The following ZDHHC11B variants were observed in gnomAD, a reference collection of about 807,000 sequenced individuals.
ZDHHC11B encodes the protein probable palmitoyltransferase ZDHHC11B.
Under a neutral mutation model 42.3 loss-of-function variants are expected in ZDHHC11B, and 17 were observed. The observed-to-expected ratio is 0.40, with a 90% CI of 0.27 to 0.60. The LOEUF (loss-of-function observed/expected upper bound fraction) is 0.60. Among genes scored for constraint, ZDHHC11B ranks in the 20% least tolerant of loss-of-function variants. The pLI is 0.41. For synonymous variants in ZDHHC11B, 123 were observed against 193.5 expected (o/e 0.64, Z 3.02); for missense variants, 262 against 463.2 (o/e 0.57, Z 3.99).
chr5:772,543 G>A (rs1445330288), intron 1 of ZDHHC11B, among the ~76,000 whole-genome samples: 1 of 148,216 alleles, frequency 6.7e-6, no homozygotes, highest in Non-Finnish European at 1.5e-5. Context: ...ACCCCCTGCG[G>A]AGGTGCTTGG....
chr5:732,823 G>A (rs192339302), intron 11 of ZDHHC11B, among the ~76,000 whole-genome samples: 3 of 151,856 alleles, frequency 2.0e-5, no homozygotes, highest in African/African-American at 7.3e-5. Context: ...TGAGCCTGGG[G>A]AATCACTTGA....
intron 4 of ZDHHC11B, among the ~76,000 whole-genome samples, chr5:763,304 G>A (rs1734854908): frequency 6.6e-6 from 1 of 151,096 alleles, no homozygotes; most frequent in African/African-American, 2.4e-5. Context: ...AGGAGGCAGA[G>A]GTTGCAGTGA....
chr5:718,568 T>C (rs145885219), intron 12 of ZDHHC11B, among the ~76,000 whole-genome samples: 1,699 of 150,744 alleles, frequency 0.011, 6 homozygotes, highest in African/African-American at 0.04. Context: ...TGGTGGTGAG[T>C]GCCTGTAGTC....
At chr5:750,203 C>T (rs1323969740) in intron 7 of ZDHHC11B, among the ~76,000 whole-genome samples, 7 of 118,590 alleles carry the variant, frequency 5.9e-5, no homozygotes, top group Non-Finnish European at 9.1e-5. Context: ...AGGGTCCTGG[C>T]GCTGCTGCAA....
chr5:722,337 A>C (rs1235315706), intron 12 of ZDHHC11B, among the ~76,000 whole-genome samples: 3 of 151,728 alleles, frequency 2.0e-5, no homozygotes, highest in Admixed American at 6.6e-5. Context: ...GAATATATAA[A>C]AACTCATATA....
Position 774,996 on chromosome 5 carries a change from C to G in ZDHHC11B, c.-229-6066G>C, listed in dbSNP as rs561896002. 5.3e-5 allele frequency among the ~76,000 whole-genome samples: 8 copies of G among 152,110 alleles called. No homozygotes were observed. In the South Asian group the frequency reaches 1.5e-3, roughly 28 times the overall value. ...AGGAGGCTGGTGGACAGGCCATGCT[C>G]ACATCATCAGCAGTGCCGGGTCAAA... is the stretch of plus-strand genomic sequence containing the variant. On this transcript the variant is annotated intron_variant, in intron 1 of 13. Coordinates refer to ENST00000508859, the MANE Select transcript of ZDHHC11B (RefSeq NM_001351303.2).
At chr5:764,351 A>G (rs433959) in intron 4 of ZDHHC11B, among the ~76,000 whole-genome samples, 11,004 of 148,466 alleles carry the variant, frequency 0.074, 546 homozygotes, top group East Asian at 0.25. Flanking sequence ...GGCCGAGGCC[A>G]GAGCCGGCTC....
intron 12 of ZDHHC11B, among the ~76,000 whole-genome samples, chr5:729,048 C>A (rs577191118): frequency 1.3e-5 from 2 of 150,168 alleles, no homozygotes; most frequent in African/African-American, 4.9e-5. Context: ...TGATCCAGGG[C>A]AGCTGGGTTG....
intron 4 of ZDHHC11B, among the ~76,000 whole-genome samples, chr5:758,428 C>A (rs1384429504): frequency 6.6e-6 from 1 of 151,892 alleles, no homozygotes. Context: ...AAGAAGCCCG[C>A]TGCCAGGGAG....
intron 12 of ZDHHC11B, among the ~76,000 whole-genome samples, chr5:721,442 A>G (rs1304667964): frequency 6.6e-6 from 1 of 151,542 alleles, no homozygotes; most frequent in Admixed American, 6.6e-5. Flanking sequence ...ATTTTTAAAA[A>G]GCTGAAGTGC....
chr5:711,472 T>G lies in ZDHHC11B; in HGVS notation c.*818A>C, dbSNP rs1253356373. 1 of 142,732 alleles carries G rather than the reference T, an allele frequency of 7.0e-6. No homozygotes were observed. Among genetic ancestry groups the G allele is most frequent in the East Asian group, 2.3e-4 (1 of 4,310 alleles). 8.8% of individuals were successfully genotyped at this position (142,732 alleles called of 1,614,324 possible). A position where few individuals can be genotyped will look rare whatever the true frequency, so the allele number is the denominator to read the frequency against. On this transcript the variant is annotated 3_prime_UTR_variant, in exon 14 of 14. Coordinates refer to ENST00000508859, the MANE Select transcript of ZDHHC11B (RefSeq NM_001351303.2). ...ATTTCCCAGTGCTGTATACTCCTATTTCCCAGTGCCATGTGCTTCCATTTC... is the reference window on the plus strand; with the variant it reads ...ATTTCCCAGTGCTGTATACTCCTATGTCCCAGTGCCATGTGCTTCCATTTC...
chr5:751,651 G>C (rs1190233593), intron 6 of ZDHHC11B, among the ~76,000 whole-genome samples: 1 of 127,722 alleles, frequency 7.8e-6, no homozygotes, highest in East Asian at 3.3e-4. Flanking sequence ...GTCCACTTGA[G>C]AGAGGGCTCC....
intron 4 of ZDHHC11B, 26 bp downstream of exon 4, chr5:766,672 A>C: frequency 6.3e-7 from 1 of 1,587,538 alleles, no homozygotes; most frequent in Non-Finnish European, 8.6e-7. Flanking sequence ...CCTCCCGCTT[A>C]GACCATGCCA....
At chr5:732,504 T>C (rs1380095804) in intron 11 of ZDHHC11B, 8 of 334,952 alleles carry the variant, frequency 2.4e-5, no homozygotes, top group African/African-American at 1.3e-4. Context: ...GGGGGCTCGA[T>C]TGGTTTCCAC....
At chr5:712,926 G>A (rs1354904153) in intron 13 of ZDHHC11B, among the ~76,000 whole-genome samples, 1 of 118,648 alleles carries the variant, frequency 8.4e-6, no homozygotes, top group Non-Finnish European at 1.8e-5. Flanking sequence ...ATGTGTGTGT[G>A]TGTATATATA....
Position 752,025 on chromosome 5 carries a change from G to A in ZDHHC11B, c.504-768C>T, listed in dbSNP as rs1293977758. On this transcript the variant is annotated intron_variant, in intron 6 of 13. Coordinates refer to ENST00000508859, the MANE Select transcript of ZDHHC11B (RefSeq NM_001351303.2). Reference sequence around the variant, plus strand: ...TCTGGGGCCTCTGCCCGCACCTCCCGACTCCACCTGATGCAGACAGGCCTC... The same window carrying A: ...TCTGGGGCCTCTGCCCGCACCTCCCAACTCCACCTGATGCAGACAGGCCTC... 1.1e-4 allele frequency among the ~76,000 whole-genome samples: 14 copies of A among 123,504 alleles called. 2 individuals carry two copies. Among genetic ancestry groups the A allele is most frequent in the Non-Finnish European group, 2.2e-4 (12 of 55,202 alleles). The allele number at this position is 123,504 out of a possible 152,430, so 81.0% of individuals were successfully genotyped here.
At position 762,104 on chromosome 5, in the gene ZDHHC11B, C is replaced by T. The variant is rs565459160; in HGVS notation, c.222+4594G>A. Among the ~76,000 whole-genome samples, 518 of 127,002 alleles carry T rather than the reference C, an allele frequency of 4.1e-3. 2 individuals are homozygous for T. Among genetic ancestry groups the T allele is most frequent in the African/African-American group, 0.014 (467 of 33,810 alleles). The allele number at this position is 127,002 out of a possible 152,430, so 83.3% of individuals were successfully genotyped here. On this transcript the variant is annotated intron_variant, in intron 4 of 13. Coordinates refer to ENST00000508859, the MANE Select transcript of ZDHHC11B (RefSeq NM_001351303.2). ...CACAGCCCAGACAGCCACTCATGGC[C>T]CCAGACAGTCACTCCCAGCCCCAGA... is the stretch of plus-strand genomic sequence containing the variant.
intron 12 of ZDHHC11B, among the ~76,000 whole-genome samples, chr5:721,513 C>G (rs541777163): frequency 1.3e-5 from 2 of 151,334 alleles, no homozygotes; most frequent in Non-Finnish European, 2.9e-5. Flanking sequence ...TAGAGAAGCT[C>G]CCGGGCCCCG....
In ZDHHC11B at chr5:766,890, G is replaced by A. The variant is rs748385039; in HGVS notation, c.30C>T (p.Ser10=). 3.9e-5 allele frequency: 63 copies of A among 1,612,310 alleles called. 3 individuals carry two copies. The highest frequency in any genetic ancestry group is 3.3e-4 in the Middle Eastern group (2 of 6,082). Reference sequence around the variant, plus strand: ...TGTTGCGTATGGCTTCTGGGGTGACGGAACACTGGCTCCCGGAGCGGGTGT... The same window carrying A: ...TGTTGCGTATGGCTTCTGGGGTGACAGAACACTGGCTCCCGGAGCGGGTGT... MDTRSGSQC[S]VTPEAIRNNE... The change falls in exon 4 of 14, where the codon TCC becomes TCT. Residue 10 remains serine, a synonymous_variant. Coordinates refer to ENST00000508859, the MANE Select transcript of ZDHHC11B (RefSeq NM_001351303.2).
Sources: allele counts gnomAD v4.1 joint callset (sites outside exome capture counted in the v4.1 genomes callset), GRCh38; gene constraint gnomAD v4.1.1; transcripts MANE v1.5; gene names NCBI Gene and HGNC (gene_info 2026-07-23, HGNC 2026-07-21).